CCDC73: variants seen among roughly 807,000 people sequenced by gnomAD.
CCDC73 encodes coiled-coil domain-containing protein 73.
A neutral mutation model predicts 116.5 loss-of-function variants in CCDC73; 95 were observed. The ratio of observed to expected loss-of-function variants is 0.82; its 90% CI spans 0.69 to 0.97. The LOEUF (loss-of-function observed/expected upper bound fraction) is 0.97, where lower values mean the gene tolerates loss of function less well. CCDC73 is among the 50% of genes least tolerant of loss of function. CCDC73 has a pLI of 0.00. For missense variants in CCDC73, 1,066 were observed against 1,206.8 expected, an observed-to-expected ratio of 0.88 and a Z score of 1.73; for synonymous variants, 398 against 401.3, an observed-to-expected ratio of 0.99 and a Z score of 0.10.
chr11:32,830,452 T>G, the CCDC73 span: 1 of 1,268,062 alleles, frequency 7.9e-7, no homozygotes, highest in Non-Finnish European at 1.0e-6. Flanking sequence ...CGACAGAAAC[T>G]CAAAGTGCTG....
chr11:32,720,347 C>A (rs1237698128), intron 2 of CCDC73, among the ~76,000 whole-genome samples: 1 of 152,064 alleles, frequency 6.6e-6, no homozygotes, highest in African/African-American at 2.4e-5. Context: ...AAAACTCTTA[C>A]CAAGTTAGGA....
chr11:32,603,822 C>T (rs1230331574), intron 17 of CCDC73: 1 of 152,268 alleles, frequency 6.6e-6, no homozygotes, highest in African/African-American at 2.4e-5. Flanking sequence ...TACCTGTAAT[C>T]CCAGCACTTT....
intron 14 of CCDC73, among the ~76,000 whole-genome samples, chr11:32,617,147 CT>C (rs1855481460): frequency 4.6e-5 from 7 of 152,112 alleles, no homozygotes; most frequent in Admixed American, 4.6e-4. Flanking sequence ...TTGAGGTAAG[CT>C]GGGCCGAGGT....
At chr11:32,819,727 C>T in the CCDC73 span, among the ~76,000 whole-genome samples, 1,960 of 152,138 alleles carry the variant, frequency 0.013, 39 homozygotes, top group African/African-American at 0.045. Context: ...TCCCAAAGTG[C>T]TGGGATTACA....
At chr11:32,814,970 G>A in the CCDC73 span, among the ~76,000 whole-genome samples, 1 of 152,128 alleles carries the variant, frequency 6.6e-6, no homozygotes, top group Non-Finnish European at 1.5e-5. Flanking sequence ...GAAATGTTCA[G>A]AATAGCCAAA....
At chr11:32,803,830 C>T in the CCDC73 span, among the ~76,000 whole-genome samples, 4 of 152,034 alleles carry the variant, frequency 2.6e-5, no homozygotes, top group Non-Finnish European at 4.4e-5. Flanking sequence ...GTTTTTGAGA[C>T]AGAGTCTCGC....
intron 9 of CCDC73, among the ~76,000 whole-genome samples, chr11:32,655,977 T>C (rs2133264346): frequency 6.6e-6 from 1 of 152,334 alleles, no homozygotes; most frequent in African/African-American, 2.4e-5. Flanking sequence ...CTCAAGAATC[T>C]GATTTTCGGT....
chr11:32,760,515 C>G (rs1170691956), intron 1 of CCDC73, among the ~76,000 whole-genome samples: 1 of 152,126 alleles, frequency 6.6e-6, no homozygotes, highest in Non-Finnish European at 1.5e-5. Flanking sequence ...CCCTAAAGAC[C>G]CATCTTCTAA....
At chr11:32,726,426 G>A (rs1411574160) in intron 2 of CCDC73, among the ~76,000 whole-genome samples, 1 of 152,080 alleles carries the variant, frequency 6.6e-6, no homozygotes, top group Non-Finnish European at 1.5e-5. Context: ...TCAATAGATT[G>A]AGTTTATCAG....
intron 1 of CCDC73, among the ~76,000 whole-genome samples, chr11:32,762,052 A>G (rs1251296365): frequency 6.6e-6 from 1 of 152,220 alleles, no homozygotes; most frequent in Non-Finnish European, 1.5e-5. Flanking sequence ...TCACAGCCAT[A>G]AAATACCTTC....
Position 32,760,226 on chromosome 11 carries a change from A to T in CCDC73, c.18T>A (p.Asn6Lys), listed in dbSNP as rs1264671144. ...GAGTAAAAGTAGATGATGACTCAGT[A>T]TTGAAGTTGCTTTCCATATTAATAT... MESNF[N>K]TESSSTFTLQ... The change falls in exon 2 of 18, where the codon AAT becomes AAA. Residue 6 changes from asparagine (N) to lysine (K), a missense_variant. By Grantham distance (94) the Asn-to-Lys change is moderately conservative (BLOSUM62 0). Transcript: ENST00000335185. 2 of 1,567,506 alleles carry T rather than the reference A, an allele frequency of 1.3e-6. No homozygotes were observed. Among genetic ancestry groups the T allele is most frequent in the Non-Finnish European group, 1.7e-6 (2 of 1,153,958 alleles).
At chr11:32,800,290 AT>A in the CCDC73 span, among the ~76,000 whole-genome samples, 1 of 151,950 alleles carries the variant, frequency 6.6e-6, no homozygotes, top group African/African-American at 2.4e-5. Context: ...TTATTTATTT[AT>A]TTTATTTAAC....
intron 1 of CCDC73, among the ~76,000 whole-genome samples, chr11:32,769,233 T>A (rs1850471298): frequency 6.6e-6 from 1 of 152,160 alleles, no homozygotes; most frequent in Admixed American, 6.5e-5. Flanking sequence ...TGATTTAAAT[T>A]TCTTTTGTTT....
chr11:32,654,224 A>C (rs1855851551), intron 10 of CCDC73, among the ~76,000 whole-genome samples, 187 bp from the exon 11 acceptor site: 1 of 152,014 alleles, frequency 6.6e-6, no homozygotes, highest in Admixed American at 6.6e-5. Context: ...CCCAGTCTGG[A>C]GTGCAGTGGT....
At chr11:32,779,607 T>C (rs1375669386) in intron 1 of CCDC73, among the ~76,000 whole-genome samples, 1 of 152,122 alleles carries the variant, frequency 6.6e-6, no homozygotes, top group Non-Finnish European at 1.5e-5. Context: ...GGAGAGTTTG[T>C]GTCCTGACAA....
intron 9 of CCDC73, among the ~76,000 whole-genome samples, chr11:32,666,001 G>A (rs115617516): frequency 0.017 from 2,570 of 152,278 alleles, 74 homozygotes; most frequent in African/African-American, 0.057. Context: ...ACTCTCTTCT[G>A]GCTTGTAGTG....
chr11:32,747,099 G>T (rs1850245726), intron 2 of CCDC73, among the ~76,000 whole-genome samples: 1 of 152,172 alleles, frequency 6.6e-6, no homozygotes, highest in Non-Finnish European at 1.5e-5. Flanking sequence ...GTGACCTACG[G>T]ATGGTGTTTT....
intron 17 of CCDC73, among the ~76,000 whole-genome samples, chr11:32,607,236 G>A (rs1269813165): frequency 1.3e-5 from 2 of 148,506 alleles, no homozygotes; most frequent in African/African-American, 2.5e-5. Context: ...GGGACTACAG[G>A]CGCCCGCCAC....
chr11:32,790,525 T>A (rs1007933374), intron 1 of CCDC73, among the ~76,000 whole-genome samples: 10 of 152,170 alleles, frequency 6.6e-5, no homozygotes, highest in Non-Finnish European at 1.2e-4. Flanking sequence ...GAGAGCATAG[T>A]GAATACTTGA....
Sources: allele counts gnomAD v4.1 joint callset (sites outside exome capture counted in the v4.1 genomes callset), GRCh38; gene constraint gnomAD v4.1.1; transcripts MANE v1.5; gene names NCBI Gene and HGNC (gene_info 2026-07-23, HGNC 2026-07-21).